The following NTM variants were observed in gnomAD, a reference collection of about 807,000 sequenced individuals.
NTM encodes IgLON family member 2.
Under a neutral mutation model 42.1 loss-of-function variants are expected in NTM, and 13 were observed. The ratio of observed to expected loss-of-function variants is 0.31; its 90% CI spans 0.20 to 0.49. The LOEUF is 0.49. Ranked by LOEUF, NTM falls within the 20% of genes least tolerant of loss-of-function variation. The pLI is 0.99. For missense variants in NTM, 373 were observed against 452.8 expected (o/e 0.82, Z 1.60); for synonymous variants, 187 against 179.2 (o/e 1.04, Z -0.35).
At chr11:132,026,400 T>G (rs74320723) in intron 2 of NTM, among the ~76,000 whole-genome samples, 3,255 of 152,230 alleles carry the variant, frequency 0.021, 44 homozygotes, top group South Asian at 0.055. Flanking sequence ...TGGGGTCCAC[T>G]TATATGAGAC....
At chr11:132,174,376 G>A (rs900752305) in intron 3 of NTM, among the ~76,000 whole-genome samples, 1 of 152,168 alleles carries the variant, frequency 6.6e-6, no homozygotes, top group African/African-American at 2.4e-5. Context: ...AATGACCCCT[G>A]TACTTATGTG....
At chr11:132,007,203 A>G (rs528567687) in intron 2 of NTM, among the ~76,000 whole-genome samples, 19 of 152,348 alleles carry the variant, frequency 1.2e-4, no homozygotes, top group Non-Finnish European at 2.4e-4. Flanking sequence ...TGACTGTTAC[A>G]GAGTCTGATC....
intron 1 of NTM, among the ~76,000 whole-genome samples, chr11:131,856,717 A>G (rs1015394034): frequency 1.3e-5 from 2 of 152,224 alleles, no homozygotes; most frequent in Non-Finnish European, 2.9e-5. Flanking sequence ...TTGAAGATGT[A>G]TGTATTCTTT....
intron 3 of NTM, among the ~76,000 whole-genome samples, chr11:132,175,235 G>A (rs539988790): frequency 5.3e-5 from 8 of 152,204 alleles, no homozygotes; most frequent in Admixed American, 1.3e-4. Context: ...CTCCACTTGA[G>A]CTATGATCTT....
chr11:131,723,463 C>A (rs1032451121), intron 1 of NTM, among the ~76,000 whole-genome samples: 1 of 152,226 alleles, frequency 6.6e-6, no homozygotes, highest in African/African-American at 2.4e-5. Context: ...AAACACGTAG[C>A]AAATAAAAAC....
At chr11:132,040,176 G>A (rs2077006648) in intron 2 of NTM, among the ~76,000 whole-genome samples, 2 of 152,146 alleles carry the variant, frequency 1.3e-5, no homozygotes, top group African/African-American at 4.8e-5. Context: ...CTCAGGCAGA[G>A]TTCTGCCTCC....
At chr11:131,381,616 C>CT (rs1942690967) in intron 1 of NTM, among the ~76,000 whole-genome samples, 1 of 152,062 alleles carries the variant, frequency 6.6e-6, no homozygotes, top group Admixed American at 6.5e-5. Context: ...AATCCAGAAG[C>CT]TTTTTCATGG....
chr11:131,974,893 AC>A (rs1033832999), intron 2 of NTM, among the ~76,000 whole-genome samples: 3 of 152,230 alleles, frequency 2.0e-5, no homozygotes, highest in Non-Finnish European at 4.4e-5. Context: ...AATAGTCTAA[AC>A]TTTTGAAAAG....
At chr11:132,095,575 T>C (rs1252032190) in intron 2 of NTM, among the ~76,000 whole-genome samples, 2 of 152,122 alleles carry the variant, frequency 1.3e-5, no homozygotes, top group African/African-American at 2.4e-5. Flanking sequence ...AAAGAAGACA[T>C]TGGGACAAAG....
intron 7 of NTM, among the ~76,000 whole-genome samples, chr11:132,315,609 G>T (rs973806031): frequency 2.0e-5 from 3 of 152,174 alleles, no homozygotes; most frequent in Non-Finnish European, 2.9e-5. Flanking sequence ...CAGATAATTT[G>T]CAAGAACACA....
chr11:131,929,607 C>T (rs182686047), intron 2 of NTM, among the ~76,000 whole-genome samples: 166 of 152,156 alleles, frequency 1.1e-3, no homozygotes, highest in Admixed American at 2.6e-3. Flanking sequence ...CCCACAATTC[C>T]CTGTGCCACG....
intron 1 of NTM, among the ~76,000 whole-genome samples, chr11:131,659,969 C>T (rs2067750035): frequency 6.6e-6 from 1 of 152,208 alleles, no homozygotes; most frequent in African/African-American, 2.4e-5. Flanking sequence ...AGCCAATTTT[C>T]CAATATGTGA....
At chr11:131,644,596 C>G (rs886173046) in intron 1 of NTM, among the ~76,000 whole-genome samples, 1 of 152,176 alleles carries the variant, frequency 6.6e-6, no homozygotes, top group Non-Finnish European at 1.5e-5. Flanking sequence ...GGTATACCAG[C>G]AGGAATTGAG....
intron 1 of NTM, among the ~76,000 whole-genome samples, chr11:131,611,511 T>G (rs2061464242): frequency 6.6e-6 from 1 of 152,150 alleles, no homozygotes; most frequent in Non-Finnish European, 1.5e-5. Context: ...GCTCTGGGAC[T>G]GAGAGAACAA....
intron 1 of NTM, among the ~76,000 whole-genome samples, chr11:131,850,347 G>A (rs1217361722): frequency 5.9e-5 from 9 of 152,018 alleles, no homozygotes; most frequent in Admixed American, 3.9e-4. Flanking sequence ...AATAAAGCTA[G>A]CACTATCTCT....
chr11:131,811,453 G>A (rs556944950), intron 1 of NTM, among the ~76,000 whole-genome samples: 4 of 152,302 alleles, frequency 2.6e-5, no homozygotes, highest in Non-Finnish European at 4.4e-5. Flanking sequence ...GGAGCTTGGG[G>A]CAGAGGCAAG....
At chr11:132,292,143 G>T (rs2094467788) in intron 4 of NTM, among the ~76,000 whole-genome samples, 1 of 152,166 alleles carries the variant, frequency 6.6e-6, no homozygotes, top group East Asian at 1.9e-4. Flanking sequence ...GAAAAAGTGA[G>T]AAAGAAACAA....
intron 1 of NTM, among the ~76,000 whole-genome samples, chr11:131,503,787 G>T (rs1367640754): frequency 6.6e-6 from 1 of 152,100 alleles, no homozygotes; most frequent in Non-Finnish European, 1.5e-5. Context: ...TAGGACTACA[G>T]GTGCGAGCCA....
intron 1 of NTM, among the ~76,000 whole-genome samples, chr11:131,841,421 T>C (rs2044228393): frequency 6.6e-6 from 1 of 152,178 alleles, no homozygotes; most frequent in African/African-American, 2.4e-5. Flanking sequence ...AATAAGATCA[T>C]TTTTGCACTC....
Sources: allele counts gnomAD v4.1 joint callset (sites outside exome capture counted in the v4.1 genomes callset), GRCh38; gene constraint gnomAD v4.1.1; transcripts MANE v1.5; gene names NCBI Gene and HGNC (gene_info 2026-07-23, HGNC 2026-07-21).